Variants in DGCR2 observed in about 807,000 individuals in gnomAD.
DGCR2 encodes DiGeorge syndrome critical region gene 2.
Under a neutral mutation model 51.6 loss-of-function variants are expected in DGCR2, and 24 were observed. The observed-to-expected ratio is 0.47, with a 90% CI of 0.34 to 0.65. The LOEUF (loss-of-function observed/expected upper bound fraction) is 0.65. DGCR2 is among the 30% of genes least tolerant of loss of function. The pLI is 0.01. For synonymous variants in DGCR2, 340 were observed against 315.4 expected, an observed-to-expected ratio of 1.08 and a Z score of -0.82; for missense variants, 765 against 772.1, an observed-to-expected ratio of 0.99 and a Z score of 0.11.
At chr22:19,063,358 T>C (rs756247355) in intron 4 of DGCR2, 80 bp from the exon 5 acceptor site, 18 of 1,385,586 alleles carry the variant, frequency 1.3e-5, no homozygotes, top group South Asian at 8.5e-5. Flanking sequence ...TTTTTGTTTT[T>C]TGAGACAGAG....
chr22:19,079,754 C>T (rs1216975615), intron 2 of DGCR2, among the ~76,000 whole-genome samples: 1 of 152,380 alleles, frequency 6.6e-6, no homozygotes, highest in South Asian at 2.1e-4. Context: ...GGAGCAGCCC[C>T]AGTCCCTGGC....
At chr22:19,091,814 C>A (rs976882964) in intron 1 of DGCR2, among the ~76,000 whole-genome samples, 6 of 151,766 alleles carry the variant, frequency 4.0e-5, no homozygotes, top group Non-Finnish European at 5.9e-5. Flanking sequence ...GTGATGCACG[C>A]CTGTAATCCC....
chr22:19,084,729 C>G (rs1213905026), intron 2 of DGCR2, among the ~76,000 whole-genome samples: 1 of 147,562 alleles, frequency 6.8e-6, no homozygotes, highest in Non-Finnish European at 1.5e-5. Flanking sequence ...GGTCAGCCCC[C>G]GCCCGGCCAG....
chr22:19,083,820 C>G (rs2082972109), intron 2 of DGCR2, among the ~76,000 whole-genome samples: 1 of 150,976 alleles, frequency 6.6e-6, no homozygotes, highest in Non-Finnish European at 1.5e-5. Context: ...ACCTCCCTGC[C>G]TGATTCTCCT....
At chr22:19,065,537 C>A (rs952720395) in intron 3 of DGCR2, among the ~76,000 whole-genome samples, 4 of 152,140 alleles carry the variant, frequency 2.6e-5, no homozygotes, top group African/African-American at 9.7e-5. Flanking sequence ...AACAGCAGCT[C>A]AAAGGATAAC....
chr22:19,111,739 C>T (rs1169025632), intron 1 of DGCR2, among the ~76,000 whole-genome samples: 1 of 152,108 alleles, frequency 6.6e-6, no homozygotes, highest in Non-Finnish European at 1.5e-5. Context: ...AGAGGAAACA[C>T]AAAGGGTGAT....
At chr22:19,042,981 ACT>A (rs145289334) in intron 7 of DGCR2, among the ~76,000 whole-genome samples, 14,311 of 152,124 alleles carry the variant, frequency 0.094, 735 homozygotes, top group Middle Eastern at 0.15. Flanking sequence ...CAGGCTCCCC[ACT>A]GAGATGCTCT....
chr22:19,054,050 C>T (rs190048920), intron 6 of DGCR2, among the ~76,000 whole-genome samples: 1 of 152,222 alleles, frequency 6.6e-6, no homozygotes, highest in Admixed American at 6.5e-5. Context: ...AGATGCAATG[C>T]ATGATTCTGG....
chr22:19,111,671 C>A (rs1222096717), intron 1 of DGCR2, among the ~76,000 whole-genome samples: 3 of 152,058 alleles, frequency 2.0e-5, no homozygotes, highest in Non-Finnish European at 4.4e-5. Context: ...TCAGACAGCT[C>A]CCCCATACCA....
At chr22:19,098,841 A>G (rs887553185) in intron 1 of DGCR2, among the ~76,000 whole-genome samples, 4 of 151,960 alleles carry the variant, frequency 2.6e-5, no homozygotes, top group African/African-American at 9.7e-5. Flanking sequence ...CAATCTTCTC[A>G]CCTTATGCTC....
At chr22:19,084,858 G>T (rs1174348884) in intron 2 of DGCR2, among the ~76,000 whole-genome samples, 4 of 145,812 alleles carry the variant, frequency 2.7e-5, no homozygotes, top group African/African-American at 7.6e-5. Flanking sequence ...GGTGGGGGGC[G>T]CCTCTGCCCA....
intron 1 of DGCR2, among the ~76,000 whole-genome samples, chr22:19,111,666 C>T (rs1342531877): frequency 6.6e-6 from 1 of 152,118 alleles, no homozygotes; most frequent in East Asian, 1.9e-4. Flanking sequence ...CTGCTTCAGA[C>T]AGCTCCCCCA....
intron 1 of DGCR2, among the ~76,000 whole-genome samples, chr22:19,092,234 C>T (rs1478150049): frequency 6.6e-6 from 1 of 151,944 alleles, no homozygotes; most frequent in Admixed American, 6.6e-5. Context: ...GTCCCAGCTA[C>T]TCAGGAGGCT....
intron 5 of DGCR2, 122 bp downstream of exon 5, chr22:19,063,080 A>G (rs1458807070): frequency 8.0e-6 from 5 of 625,060 alleles, no homozygotes; most frequent in Non-Finnish European, 1.0e-5. Flanking sequence ...ACTGGGGCTC[A>G]CCCACTCCCT....
chr22:19,118,374 C>CAAAAAAAAA (rs923572855), intron 1 of DGCR2, among the ~76,000 whole-genome samples: 9 of 56,748 alleles, frequency 1.6e-4, no homozygotes, highest in African/African-American at 2.2e-4. Flanking sequence ...CCATCGCAAA[C>CAAAAAAAAA]AAAAAAAAAA....
chr22:19,101,098 G>A (rs753393404), intron 1 of DGCR2, among the ~76,000 whole-genome samples: 9 of 152,032 alleles, frequency 5.9e-5, no homozygotes, highest in South Asian at 2.1e-4. Context: ...GCATCACAGC[G>A]AAACCCTGTC....
intron 7 of DGCR2, chr22:19,048,044 C>T: frequency 3.9e-6 from 1 of 254,046 alleles, no homozygotes; most frequent in Non-Finnish European, 7.8e-6. Context: ...AATACAAAAA[C>T]TAGCCAGGCA....
At chr22:19,066,942 T>C (rs1018831838) in intron 3 of DGCR2, among the ~76,000 whole-genome samples, 9 of 152,198 alleles carry the variant, frequency 5.9e-5, no homozygotes, top group Non-Finnish European at 1.2e-4. Flanking sequence ...ACACCAAGCC[T>C]GTGCACCACA....
At chr22:19,108,399 T>C (rs1035216368) in intron 1 of DGCR2, among the ~76,000 whole-genome samples, 1 of 150,336 alleles carries the variant, frequency 6.7e-6, no homozygotes, top group Non-Finnish European at 1.5e-5. Flanking sequence ...AGGGATCCAG[T>C]CTCTACAAAA....
Sources: gnomAD v4.1 joint callset for allele counts (sites outside exome capture counted in the v4.1 genomes callset) on GRCh38, gnomAD v4.1.1 for gene constraint, MANE v1.5 for transcripts, NCBI Gene and HGNC (gene_info 2026-07-23, HGNC 2026-07-21) for gene names.